CRACR2A: variants seen among roughly 807,000 people sequenced by gnomAD.
The protein encoded by CRACR2A is EF-hand calcium-binding domain-containing protein 4B.
In CRACR2A, 79 loss-of-function variants were observed where a neutral mutation model predicts 90.5. The ratio of observed to expected loss-of-function variants is 0.87; its 90% CI spans 0.73 to 1.05. The LOEUF is 1.05. Ranked by LOEUF, CRACR2A falls within the 50% of genes least tolerant of loss-of-function variation. CRACR2A has a pLI of 0.00. For missense variants in CRACR2A, 823 were observed against 897.2 expected (o/e 0.92, Z 1.06); for synonymous variants, 338 against 356.7 (o/e 0.95, Z 0.59).
intron 13 of CRACR2A, among the ~76,000 whole-genome samples, chr12:3,639,079 T>C (rs1944512490): frequency 6.6e-6 from 1 of 152,144 alleles, no homozygotes; most frequent in Admixed American, 6.5e-5. Context: ...AGGGGTGCTG[T>C]TGCTTTGGGA....
chr12:3,745,499 T>C (rs928261639), intron 1 of CRACR2A, among the ~76,000 whole-genome samples: 1 of 151,942 alleles, frequency 6.6e-6, no homozygotes, highest in Non-Finnish European at 1.5e-5. Context: ...TTAGGCCAGG[T>C]GCAGTGGCTC....
intron 1 of CRACR2A, among the ~76,000 whole-genome samples, chr12:3,737,993 G>A (rs1470752675): frequency 6.6e-6 from 1 of 152,200 alleles, no homozygotes; most frequent in Non-Finnish European, 1.5e-5. Context: ...TGTGGGGTGG[G>A]GTGCCAGGCT....
At chr12:3,687,226 G>A (rs1945574713) in intron 4 of CRACR2A, among the ~76,000 whole-genome samples, 1 of 148,458 alleles carries the variant, frequency 6.7e-6, no homozygotes, top group African/African-American at 2.5e-5. Context: ...AAGGATATAT[G>A]TGCAGGTTTG....
chr12:3,656,590 A>G (rs1944913134), intron 8 of CRACR2A, among the ~76,000 whole-genome samples, 184 bp from the exon 9 acceptor site: 1 of 152,146 alleles, frequency 6.6e-6, no homozygotes, highest in Non-Finnish European at 1.5e-5. Flanking sequence ...CAAATGAGAC[A>G]GAGATAGTGC....
intron 15 of CRACR2A, among the ~76,000 whole-genome samples, chr12:3,630,009 G>A (rs1271574065): frequency 2.6e-5 from 4 of 152,306 alleles, no homozygotes; most frequent in Admixed American, 2.0e-4. Flanking sequence ...GGAGACCCGT[G>A]TTGTGCGTTC....
At position 3,720,464 on chromosome 12, in the gene CRACR2A, A is replaced by AAAGAAAGAAAGAAAGC. The variant is rs1478961662; in HGVS notation, c.-117-7148_-117-7147insGCTTTCTTTCTTTCTT. ...GAAAGAAAGAAAGAAAGAAAGAAAG[A>AAAGAAAGAAAGAAAGC]AAGCAAAAGAAAAAAAGAAACAAAT... is the stretch of plus-strand genomic sequence containing the variant. On this transcript the variant is annotated intron_variant, in intron 2 of 19. Coordinates refer to ENST00000440314, the MANE Select transcript of CRACR2A (RefSeq NM_001144958.2). Among the ~76,000 whole-genome samples the AAAGAAAGAAAGAAAGC allele has an allele frequency of 5.3e-3, 800 of 150,814 alleles. 15 individuals are homozygous for AAAGAAAGAAAGAAAGC. Among genetic ancestry groups the AAAGAAAGAAAGAAAGC allele is most frequent in the African/African-American group, 0.014 (578 of 40,532 alleles).
At chr12:3,687,177 A>G (rs1018928772) in intron 4 of CRACR2A, among the ~76,000 whole-genome samples, 2 of 149,256 alleles carry the variant, frequency 1.3e-5, no homozygotes, top group Non-Finnish European at 3.0e-5. Flanking sequence ...TGCTCCTCTC[A>G]TCCCATTTTC....
chr12:3,641,634 C>T, intron 13 of CRACR2A, 98 bp downstream of exon 13: 3 of 1,046,082 alleles, frequency 2.9e-6, no homozygotes, highest in Non-Finnish European at 4.2e-6. Flanking sequence ...TCAGTTTCCG[C>T]ACCTCTCAAG....
intron 1 of CRACR2A, among the ~76,000 whole-genome samples, chr12:3,752,044 C>T (rs576505537): frequency 6.6e-6 from 1 of 152,282 alleles, no homozygotes; most frequent in East Asian, 1.9e-4. Context: ...CTCTTCGGTA[C>T]ATGCTGCTTT....
intron 2 of CRACR2A, among the ~76,000 whole-genome samples, chr12:3,724,936 C>T (rs192914730): frequency 6.6e-6 from 1 of 152,036 alleles, no homozygotes; most frequent in East Asian, 1.9e-4. Flanking sequence ...GCACTATTTT[C>T]CAAAATAGGA....
intron 7 of CRACR2A, among the ~76,000 whole-genome samples, chr12:3,663,828 C>T (rs2137524212): frequency 6.6e-6 from 1 of 152,328 alleles, no homozygotes; most frequent in East Asian, 1.9e-4. Flanking sequence ...CATTCGTCAA[C>T]TAAAATCTCT....
intron 7 of CRACR2A, among the ~76,000 whole-genome samples, chr12:3,666,383 G>A (rs558447026): frequency 7.9e-5 from 12 of 152,082 alleles, no homozygotes; most frequent in South Asian, 2.1e-4. Flanking sequence ...GCGCGCACGC[G>A]CGCACACGCT....
intron 18 of CRACR2A, among the ~76,000 whole-genome samples, chr12:3,617,713 A>G (rs1188517081): frequency 6.6e-6 from 1 of 152,212 alleles, no homozygotes; most frequent in Non-Finnish European, 1.5e-5. Flanking sequence ...GATCACTCCC[A>G]TTAATAGATT....
intron 1 of CRACR2A, among the ~76,000 whole-genome samples, chr12:3,734,376 G>A (rs929325287): frequency 2.0e-5 from 3 of 152,108 alleles, no homozygotes; most frequent in Middle Eastern, 3.4e-3. Context: ...CTGGGCTCCC[G>A]GGACTCAAAA....
chr12:3,681,216 G>A (rs1262024748), intron 4 of CRACR2A, among the ~76,000 whole-genome samples: 1 of 152,230 alleles, frequency 6.6e-6, no homozygotes, highest in Non-Finnish European at 1.5e-5. Context: ...CCCACACCCA[G>A]GCCCCGAGTC....
At chr12:3,684,915 C>A (rs1485526276) in intron 4 of CRACR2A, among the ~76,000 whole-genome samples, 1 of 152,218 alleles carries the variant, frequency 6.6e-6, no homozygotes, top group South Asian at 2.1e-4. Flanking sequence ...GCGGGCCACG[C>A]AGCTGTGTGT....
chr12:3,728,160 T>C (rs1946301046), intron 2 of CRACR2A: 1 of 152,212 alleles, frequency 6.6e-6, no homozygotes, highest in Admixed American at 6.5e-5. Context: ...AACCACTCGT[T>C]TCTAATTACT....
chr12:3,734,937 T>C (rs1364460196), intron 1 of CRACR2A, among the ~76,000 whole-genome samples: 1 of 152,170 alleles, frequency 6.6e-6, no homozygotes, highest in Non-Finnish European at 1.5e-5. Flanking sequence ...GGGTAAGTTC[T>C]AGAGATCTAA....
chr12:3,625,745 A>G (rs904248604), intron 17 of CRACR2A, among the ~76,000 whole-genome samples: 2 of 151,460 alleles, frequency 1.3e-5, no homozygotes, highest in African/African-American at 4.9e-5. Flanking sequence ...TGACCACTAA[A>G]CCTTCCCTTG....
Sources: allele counts gnomAD v4.1 joint callset (sites outside exome capture counted in the v4.1 genomes callset), GRCh38; gene constraint gnomAD v4.1.1; transcripts MANE v1.5; gene names NCBI Gene and HGNC (gene_info 2026-07-23, HGNC 2026-07-21).